Variants in TRPV1 observed in about 807,000 individuals in gnomAD.
TRPV1 encodes the protein transient receptor potential cation channel subfamily V member 1, also known as OTRPC1.
In TRPV1, 82 loss-of-function variants were observed where a neutral mutation model predicts 82.3. The ratio of observed to expected loss-of-function variants is 1.00; its 90% confidence interval spans 0.83 to 1.20. The LOEUF (loss-of-function observed/expected upper bound fraction) is 1.20, where lower values mean the gene tolerates loss of function less well. TRPV1 is among the 50% of genes most tolerant of loss of function. The pLI is 0.00. For synonymous variants in TRPV1, 515 were observed against 467.7 expected, an observed-to-expected ratio of 1.10 and a Z score of -1.30; for missense variants, 1,067 against 1,096.8, an observed-to-expected ratio of 0.97 and a Z score of 0.38.
chr17:3,599,925 C>T (rs2075249246), intron 2 of TRPV1, among the ~76,000 whole-genome samples: 1 of 152,166 alleles, frequency 6.6e-6, no homozygotes, highest in Admixed American at 6.6e-5. Flanking sequence ...AGCCCTCCTT[C>T]CTTTTTAAGG....
intron 1 of TRPV1, 96 bp from the exon 2 acceptor site, chr17:3,608,661 C>T (rs72834066): frequency 0.056 from 8,537 of 152,254 alleles, 334 homozygotes; most frequent in Non-Finnish European, 0.083. Flanking sequence ...ATAACTGAAC[C>T]CATGGAAAGT....
chr17:3,574,932 A>AAAG lies in TRPV1; in HGVS notation c.1781-978_1781-977insCTT, dbSNP rs1269465302. Among the ~76,000 whole-genome samples, 1,343 of 151,642 alleles carry AAAG rather than the reference A, an allele frequency of 8.9e-3. 19 individuals carry two copies. The highest frequency in any genetic ancestry group is 0.03 in the African/African-American group (1,240 of 41,196). ...GACTCTATCTCAAAAAAAAAAAAAA[A>AAAG]AAAAAAAGATGTGGACATGTGAAAA... is the stretch of plus-strand genomic sequence containing the variant. On this transcript the variant is annotated intron_variant, in intron 13 of 16. Transcript: ENST00000572705.
chr17:3,590,851 GC>G, intron 5 of TRPV1, 112 bp downstream of exon 5: 2 of 1,397,586 alleles, frequency 1.4e-6, no homozygotes, highest in Non-Finnish European at 1.9e-6. Flanking sequence ...CAACGCAGTG[GC>G]TGGGACAGGG....
chr17:3,568,298 G>A (rs895418250), intron 16 of TRPV1, among the ~76,000 whole-genome samples: 12 of 150,556 alleles, frequency 8.0e-5, no homozygotes, highest in African/African-American at 2.9e-4. Flanking sequence ...CTCCAGCCTG[G>A]GTGACAGAGC....
chr17:3,571,278 G>A (rs1238125750), intron 16 of TRPV1, among the ~76,000 whole-genome samples: 1 of 152,336 alleles, frequency 6.6e-6, no homozygotes, highest in South Asian at 2.1e-4. Flanking sequence ...GGCTGGAGGT[G>A]CTGGCACAGC....
intron 2 of TRPV1, among the ~76,000 whole-genome samples, chr17:3,605,580 C>CA (rs1487493647): frequency 3.7e-4 from 56 of 151,434 alleles, no homozygotes; most frequent in East Asian, 1.9e-4. Context: ...AGCAGGTACT[C>CA]AAAAAGAAAT....
rs2075134010 is a variant in TRPV1 at position 3,589,904 on chromosome 17, A to G, written c.947T>C (p.Leu316Pro). 1 of 1,602,516 alleles carries G rather than the reference A, an allele frequency of 6.2e-7. No homozygotes were observed. The highest frequency in any genetic ancestry group is 1.1e-5 in the South Asian group (1 of 89,096). The change falls in exon 7 of 17, where the codon CTG becomes CCG. Residue 316 changes from leucine to proline, a missense_variant. Physicochemically the swap from Leu to Pro is moderately conservative, Grantham distance 98. Transcript: ENST00000572705. ...CAGCGTCGGGTGCAGTTTGGCCCCC[A>G]GCATCAGAATCTCATTGTACATGCT... ...VTSMYNEILM[L>P]GAKLHPTLKL...
chr17:3,577,891 C>CCT, intron 11 of TRPV1, 128 bp from the exon 12 acceptor site: 1 of 847,738 alleles, frequency 1.2e-6, no homozygotes, highest in South Asian at 1.8e-5. Flanking sequence ...GTTGGGCTGT[C>CCT]CTGACTCTTT....
chr17:3,589,209 C>CT (rs11400955), intron 7 of TRPV1, among the ~76,000 whole-genome samples: 128,946 of 137,668 alleles, frequency 0.94, 60,752 homozygotes, highest in East Asian at 0.99. Flanking sequence ...TTTCTTTTTC[C>CT]TTTTTTTTTT....
At chr17:3,574,096 A>G in intron 13 of TRPV1, 141 bp from the exon 14 acceptor site, 1 of 721,674 alleles carries the variant, frequency 1.4e-6, no homozygotes, top group South Asian at 2.1e-5. Flanking sequence ...AAAACTATCA[A>G]AAAAATTTTC....
chr17:3,585,585 T>C (rs1346815404), intron 9 of TRPV1, 183 bp downstream of exon 9: 2 of 710,550 alleles, frequency 2.8e-6, no homozygotes, highest in African/African-American at 1.8e-5. Context: ...CTGTACAGCC[T>C]GAGGCAGGGG....
At chr17:3,571,442 C>T (rs1047126665) in intron 16 of TRPV1, 82 bp downstream of exon 16, 6 of 1,130,974 alleles carry the variant, frequency 5.3e-6, no homozygotes, top group African/African-American at 4.6e-5. Flanking sequence ...CCCGGCAAGG[C>T]GTGGGGAACC....
At position 3,590,017 on chromosome 17, in the gene TRPV1, G is replaced by T. The variant is rs746741454; in HGVS notation, c.834C>A (p.Ile278=). 5.1e-6 allele frequency: 8 copies of T among 1,567,062 alleles called. No individual in the cohort carries two copies. Among genetic ancestry groups the T allele is most frequent in the Non-Finnish European group, 6.9e-6 (8 of 1,156,574 alleles). The change falls in exon 7 of 17, where the codon ATC becomes ATA. Residue 278 remains isoleucine, a synonymous_variant. Transcript: ENST00000572705. ...TGTTGCCCACCGAGTCCCTGGCGCT[G>T]ATGTCGGCCGTCTGCCAGGAGTTCT... is the stretch of plus-strand genomic sequence containing the variant. The part of the protein sequence containing the change: ...LLQNSWQTAD[I]SARDSVGNTV...
chr17:3,607,598 G>A (rs2075304813), intron 2 of TRPV1, among the ~76,000 whole-genome samples: 1 of 149,286 alleles, frequency 6.7e-6, no homozygotes, highest in South Asian at 2.2e-4. Context: ...GTGCAGTGGT[G>A]CGATCTCAGC....
rs372945414 is a variant in TRPV1, at chr17:3,592,130, G to A, written c.221C>T (p.Pro74Leu). 9.9e-6 allele frequency: 16 copies of A among 1,613,746 alleles called. No homozygotes were observed. The highest frequency in any genetic ancestry group is 5.0e-5 in the Admixed American group (3 of 59,982). Reference protein sequence around the residue: ...PHEEGELDSCPTITVSPVITI... With the variant: ...PHEEGELDSCLTITVSPVITI... ...GATAACAGGGCTGACTGTGATGGTC[G>A]GGCAGGAGTCCAGCTCACCTTCCTC... The change falls in exon 3 of 17, where the codon CCG becomes CTG. Residue 74 changes from proline to leucine, a missense_variant. Coordinates refer to ENST00000572705, the MANE Select transcript of TRPV1 (RefSeq NM_080704.4).
rs531966199 is a variant in TRPV1 at position 3,579,975 on chromosome 17, G to A, written c.1547+482C>T. 3.3e-5 allele frequency among the ~76,000 whole-genome samples: 5 copies of A among 152,196 alleles called. No homozygotes were observed. The South Asian group carries it at 8.3e-4, about 25-fold the overall frequency. On this transcript the variant is annotated intron_variant, in intron 11 of 16. Coordinates refer to ENST00000572705, the MANE Select transcript of TRPV1 (RefSeq NM_080704.4). ...GGATGGGGAAGCTCCAGGCAGCTGC[G>A]AGTAGAGGCCGGTGATGCTGCTATA...
chr17:3,598,514 C>A (rs2075238064), intron 2 of TRPV1, among the ~76,000 whole-genome samples: 1 of 151,684 alleles, frequency 6.6e-6, no homozygotes, highest in Non-Finnish European at 1.5e-5. Flanking sequence ...GGCATAAAAG[C>A]CAGGCCCATC....
intron 12 of TRPV1, 99 bp from the exon 13 acceptor site, chr17:3,577,291 T>TCACCTGAACCCGGGAG: frequency 7.6e-7 from 1 of 1,315,278 alleles, no homozygotes; most frequent in Non-Finnish European, 1.1e-6. Flanking sequence ...CTTGAGAACG[T>TCACCTGAACCCGGGAG]GCAGGGCGGT....
chr17:3,581,746 G>A lies in TRPV1; in HGVS notation c.1477-1219C>T, dbSNP rs978888653. On this transcript the variant is annotated intron_variant, in intron 10 of 16. Transcript: ENST00000572705. ...CTAAAAATACAAAAATTAGCCGGGC[G>A]CGGTGGCACGCACCTGTAGTCCCAG... Among the ~76,000 whole-genome samples, 38 of 146,378 alleles carry A rather than the reference G, an allele frequency of 2.6e-4. 1 individual carries two copies. In the South Asian group the frequency reaches 3.2e-3, roughly 12 times the overall value.
Sources: allele counts gnomAD v4.1 joint callset (sites outside exome capture counted in the v4.1 genomes callset), GRCh38; gene constraint gnomAD v4.1.1; transcripts MANE v1.5; gene names NCBI Gene and HGNC (gene_info 2026-07-23, HGNC 2026-07-21).